Variants in TPO observed in about 807,000 individuals in gnomAD.
TPO encodes thyroid microsomal antigen.
Under a neutral mutation model 96.9 loss-of-function variants are expected in TPO, and 78 were observed. The observed-to-expected ratio is 0.81, with a 90% CI of 0.67 to 0.97. The LOEUF (loss-of-function observed/expected upper bound fraction) is 0.97, where lower values mean the gene tolerates loss of function less well. Ranked by LOEUF, TPO falls within the 50% of genes least tolerant of loss-of-function variation. The probability of loss-of-function intolerance (pLI) is 0.00; values close to 1 mark genes in which losing one functional copy is unlikely to be tolerated. For synonymous variants in TPO, 547 were observed against 538.0 expected (o/e 1.02, Z -0.23); for missense variants, 1,252 against 1,274.8 (o/e 0.98, Z 0.27).
chr2:1,388,437 C>T lies in TPO; in HGVS notation n.180+14035C>T, dbSNP rs926389419. 6.6e-5 allele frequency among the ~76,000 whole-genome samples: 10 copies of T among 152,272 alleles called. No individual in the cohort carries two copies. The East Asian group carries it at 9.7e-4, about 15-fold the overall frequency. ...GGTGCCCCTCCCCCAGCCTCGCTGC[C>T]GCCTTGCAGTTGGATCTCAGACTGC... On this transcript the variant is annotated intron_variant and non_coding_transcript_variant, in intron 1 of 5. Transcript: ENST00000497517.
chr2:1,473,751 A>C (rs1669645524), intron 7 of TPO, among the ~76,000 whole-genome samples: 1 of 152,098 alleles, frequency 6.6e-6, no homozygotes, highest in South Asian at 2.1e-4. Flanking sequence ...ATTTTGATCA[A>C]CTTTTTTGTC....
intron 15 of TPO, among the ~76,000 whole-genome samples, chr2:1,521,645 C>T (rs1675278829): frequency 1.3e-5 from 2 of 152,104 alleles, no homozygotes; most frequent in Non-Finnish European, 2.9e-5. Context: ...AGAGAACTGG[C>T]CCTTTGCTGG....
At chr2:1,470,849 C>G (rs751481688) in intron 7 of TPO, among the ~76,000 whole-genome samples, 21 of 152,188 alleles carry the variant, frequency 1.4e-4, no homozygotes, top group Non-Finnish European at 1.5e-4. Flanking sequence ...TCAATACCTT[C>G]CCAGCATCGG....
At chr2:1,413,962 A>C (rs955127595) in intron 1 of TPO, among the ~76,000 whole-genome samples, 1 of 152,258 alleles carries the variant, frequency 6.6e-6, no homozygotes, top group Non-Finnish European at 1.5e-5. Flanking sequence ...TAAGAAATTC[A>C]ATAGGCATTT....
chr2:1,493,646 A>G (rs945213220), intron 10 of TPO, among the ~76,000 whole-genome samples, 156 bp from the exon 11 acceptor site: 9 of 149,566 alleles, frequency 6.0e-5, no homozygotes, highest in Non-Finnish European at 1.2e-4. Context: ...TCGGAGCTGG[A>G]ATATCCTAGC....
At chr2:1,397,448 C>T (rs1183208539) in intron 1 of TPO, among the ~76,000 whole-genome samples, 3 of 152,218 alleles carry the variant, frequency 2.0e-5, no homozygotes, top group Admixed American at 6.5e-5. Context: ...ATTCCCTCCC[C>T]AGGCAAGCCC....
chr2:1,383,008 G>A (rs1661833629), intron 1 of TPO, among the ~76,000 whole-genome samples: 1 of 151,700 alleles, frequency 6.6e-6, no homozygotes, highest in Non-Finnish European at 1.5e-5. Flanking sequence ...AGTTTGCTGA[G>A]AATGATGGTT....
chr2:1,505,740 A>G (rs1023722673), intron 14 of TPO, among the ~76,000 whole-genome samples: 1 of 149,250 alleles, frequency 6.7e-6, no homozygotes, highest in African/African-American at 2.5e-5. Flanking sequence ...CTCATCCTCC[A>G]CCCCTCAACA....
chr2:1,496,288 A>C (rs974360481), intron 12 of TPO, 91 bp downstream of exon 12: 33 of 1,464,446 alleles, frequency 2.3e-5, no homozygotes, highest in Non-Finnish European at 2.9e-5. Context: ...TTAACTTTTC[A>C]CTGTTTAGAA....
intron 15 of TPO, among the ~76,000 whole-genome samples, chr2:1,518,174 G>A (rs1363827134): frequency 6.6e-6 from 1 of 152,182 alleles, no homozygotes; most frequent in African/African-American, 2.4e-5. Flanking sequence ...CCATCTTCCA[G>A]GGTGTTTCTC....
intron 16 of TPO, chr2:1,541,600 T>A (rs1403360615): frequency 1.3e-5 from 2 of 152,220 alleles, no homozygotes; most frequent in African/African-American, 4.8e-5. Context: ...CAAGAGATCC[T>A]CCAGTCTGAA....
At chr2:1,425,294 C>G (rs1270314881) in intron 3 of TPO, among the ~76,000 whole-genome samples, 1 of 152,216 alleles carries the variant, frequency 6.6e-6, no homozygotes, top group Non-Finnish European at 1.5e-5. Flanking sequence ...GTTCTAGATG[C>G]CGGGATACAG....
chr2:1,434,298 G>A lies in TPO; in HGVS notation c.349+691G>A, dbSNP rs900279191. Among the ~76,000 whole-genome samples, 7 of 152,110 alleles carry A rather than the reference G, an allele frequency of 4.6e-5. No homozygotes were observed. The East Asian group carries it at 5.8e-4, about 13-fold the overall frequency. ...TTATCAAGAATTTTTTCTCTGCAGC[G>A]CCATGAGCTACTTGGCCTCTGAGTT... On this transcript the variant is annotated intron_variant, in intron 4 of 16. Transcript: ENST00000329066.
chr2:1,433,306 A>G (rs537222477), intron 3 of TPO, 132 bp from the exon 4 acceptor site: 3 of 1,158,536 alleles, frequency 2.6e-6, no homozygotes, highest in East Asian at 2.5e-5. Context: ...ACCTGTGCAC[A>G]CCCCGCAGTG....
At chr2:1,384,485 A>C (rs1032240396) in intron 1 of TPO, among the ~76,000 whole-genome samples, 24 of 152,102 alleles carry the variant, frequency 1.6e-4, no homozygotes, top group African/African-American at 5.8e-4. Flanking sequence ...TGTGAATGGG[A>C]GTTCACTCAT....
rs142253619 is a variant in TPO at position 1,375,982 on chromosome 2, C to CA, written n.180+1581dup. On this transcript the variant is annotated intron_variant and non_coding_transcript_variant, in intron 1 of 5. Transcript: ENST00000497517. Reference sequence around the variant, plus strand: ...TCATCCAGCACAACGGGTTCCTCTTCAGGGTGCCACGCCCCACACCTGCAG... The same window carrying CA: ...TCATCCAGCACAACGGGTTCCTCTTCAAGGGTGCCACGCCCCACACCTGCAG... Among the ~76,000 whole-genome samples the CA allele has an allele frequency of 7.0e-3, 1,060 of 152,304 alleles. 22 individuals carry two copies. The highest frequency in any genetic ancestry group is 0.023 in the African/African-American group (972 of 41,562).
chr2:1,531,368 CCCGA>C, intron 15 of TPO, among the ~76,000 whole-genome samples: 1 of 86,822 alleles, frequency 1.2e-5, no homozygotes, highest in African/African-American at 6.1e-5. Flanking sequence ...CCCAAATCCT[CCCGA>C]CTCTGTGCAA....
chr2:1,445,654 G>C (rs539083817), intron 5 of TPO, among the ~76,000 whole-genome samples: 1 of 132,700 alleles, frequency 7.5e-6, no homozygotes, highest in East Asian at 2.5e-4. Context: ...TTGTTTGTAT[G>C]ATCCAGTCAT....
At chr2:1,528,166 C>A (rs1284740974) in intron 15 of TPO, among the ~76,000 whole-genome samples, 2 of 140,794 alleles carry the variant, frequency 1.4e-5, no homozygotes, top group Non-Finnish European at 3.0e-5. Context: ...AAATCTCACC[C>A]ACTGTGAGCA....
Sources: gnomAD v4.1 joint callset for allele counts (sites outside exome capture counted in the v4.1 genomes callset) on GRCh38, gnomAD v4.1.1 for gene constraint, MANE v1.5 for transcripts, NCBI Gene and HGNC (gene_info 2026-07-23, HGNC 2026-07-21) for gene names.